The following EPS8 variants were observed in gnomAD, a reference collection of about 807,000 sequenced individuals.
EPS8 encodes EGFR pathway substrate 8, signaling adaptor, also known as epidermal growth factor receptor kinase substrate 8.
EPS8 carries 42 observed loss-of-function variants against 103.8 expected under a neutral mutation model. The observed-to-expected ratio is 0.40, with a 90% CI of 0.32 to 0.52. The LOEUF is 0.52. Among genes scored for constraint, EPS8 ranks in the 20% least tolerant of loss-of-function variants. The pLI is 0.40. For missense variants in EPS8, 969 were observed against 1,005.1 expected (o/e 0.96, Z 0.49); for synonymous variants, 344 against 344.6 (o/e 1.00, Z 0.02).
chr12:15,742,357 A>C (rs1381301922), intron 1 of EPS8, among the ~76,000 whole-genome samples: 3 of 152,192 alleles, frequency 2.0e-5, no homozygotes, highest in Non-Finnish European at 4.4e-5. Context: ...CTGTTTCTCC[A>C]CATCCTCTCC....
chr12:15,771,495 G>A lies in EPS8; in HGVS notation c.-22+17666C>T, dbSNP rs546411151. 4.5e-4 allele frequency among the ~76,000 whole-genome samples: 68 copies of A among 152,174 alleles called. No individual in the cohort carries two copies. The highest frequency in any genetic ancestry group is 7.1e-4 in the Non-Finnish European group (48 of 68,024). On this transcript the variant is annotated intron_variant, in intron 1 of 20. Transcript: ENST00000281172. The surrounding 1 kb of genome is among the most constrained non-coding windows in gnomAD (Gnocchi z 4.6). ...ATACAGAGACATTCAGGAGGGAATA[G>A]CTTAAGAAAATGGTCATATAGCCTT... is the stretch of plus-strand genomic sequence containing the variant.
rs1946196212 is a variant in EPS8 at position 15,693,094 on chromosome 12, A to G, written c.-21-10122T>C. Among the ~76,000 whole-genome samples the G allele has an allele frequency of 6.6e-6, 1 of 152,174 alleles. No individual in the cohort carries two copies. Among genetic ancestry groups the G allele is most frequent in the Non-Finnish European group, 1.5e-5 (1 of 68,018 alleles). On this transcript the variant is annotated intron_variant, in intron 1 of 20. Transcript: ENST00000281172. The surrounding 1 kb of genome is among the most constrained non-coding windows in gnomAD (Gnocchi z 5.6). ...AAAGGTGGCAAGAAAGTCAGTGTCC[A>G]TGGGTGGGGCTTGTGAACAAGTGGG...
At position 15,734,460 on chromosome 12, in the gene EPS8, T is replaced by C. The variant is rs1358091142; in HGVS notation, c.-21-51488A>G. Among the ~76,000 whole-genome samples, 1 of 152,058 alleles carries C rather than the reference T, an allele frequency of 6.6e-6. No individual in the cohort carries two copies. On this transcript the variant is annotated intron_variant, in intron 1 of 20. Transcript: ENST00000281172. This position sits in a 1 kb window ranked among gnomAD's most constrained non-coding sequence, Gnocchi z 4.1. Reference sequence around the variant, plus strand: ...CTGTAATCCCAGCACTTTGGGAGGCTGAGGCGGGTGGATCACGAGGTCAGG... The same window carrying C: ...CTGTAATCCCAGCACTTTGGGAGGCCGAGGCGGGTGGATCACGAGGTCAGG...
At chr12:15,703,148 A>G (rs1946334058) in intron 1 of EPS8, among the ~76,000 whole-genome samples, 1 of 152,236 alleles carries the variant, frequency 6.6e-6, no homozygotes, top group Non-Finnish European at 1.5e-5. Context: ...ACTCCGTCTC[A>G]AAAAATAAAT....
chr12:15,675,845 C>T (rs2135867595), intron 3 of EPS8, among the ~76,000 whole-genome samples: 1 of 152,276 alleles, frequency 6.6e-6, no homozygotes, highest in Non-Finnish European at 1.5e-5. Flanking sequence ...AGTTAGCTTT[C>T]TGGAAAGTCT....
Position 15,641,834 on chromosome 12 carries a change from TA to T in EPS8, c.1569-5del. 6.7e-7 allele frequency: 1 copy of T among 1,484,352 alleles called. No homozygotes were observed. The highest frequency in any genetic ancestry group is 1.9e-5 in the Admixed American group (1 of 52,890). The allele number at this position is 1,484,352 out of a possible 1,614,324, so 91.9% of individuals were successfully genotyped here. On this transcript the variant is annotated splice_region_variant and splice_polypyrimidine_tract_variant and intron_variant, in intron 15 of 20. Coordinates refer to ENST00000281172, the MANE Select transcript of EPS8 (RefSeq NM_004447.6). Reference sequence around the variant, plus strand: ...TGTTTTGAGTGGTTCATAATTTCTATAAAAAGAAAGAAAAAAGATTATTATT... The same window carrying T: ...TGTTTTGAGTGGTTCATAATTTCTATAAAAGAAAGAAAAAAGATTATTATT...
At position 15,682,925 on chromosome 12, in the gene EPS8, G is replaced by A; in HGVS notation, c.27C>T (p.Pro9=). 1 of 1,583,566 alleles carries A rather than the reference G, an allele frequency of 6.3e-7. No individual in the cohort carries two copies. Among genetic ancestry groups the A allele is most frequent in the Non-Finnish European group, 8.6e-7 (1 of 1,162,396 alleles). The change falls in exon 2 of 21, where the codon CCC becomes CCT. Residue 9 remains proline (P), a synonymous_variant. Transcript: ENST00000281172. ...GAGATGGGTACATTCCAAAACTACT[G>A]GGATGATTAGAAATATGACCATTCA... The part of the protein sequence containing the change: MNGHISNH[P]SSFGMYPSQM...
rs1312406551 is a variant in EPS8, at chr12:15,784,852, G to C, written c.-22+4309C>G. Among the ~76,000 whole-genome samples the C allele has an allele frequency of 6.6e-6, 1 of 152,144 alleles. No individual in the cohort carries two copies. Among genetic ancestry groups the C allele is most frequent in the African/African-American group, 2.4e-5 (1 of 41,454 alleles). On this transcript the variant is annotated intron_variant, in intron 1 of 20. Transcript: ENST00000281172. This position sits in a 1 kb window ranked among gnomAD's most constrained non-coding sequence, Gnocchi z 4.0. ...GAACCTTAAATGTGTATTGCTAAAT[G>C]AAAGAAGCCAGTCTGGCAAGGCTGT...
At chr12:15,722,145 A>C (rs1390412592) in intron 1 of EPS8, among the ~76,000 whole-genome samples, 4 of 151,906 alleles carry the variant, frequency 2.6e-5, no homozygotes, top group Non-Finnish European at 5.9e-5. Context: ...TGGAAGAAGA[A>C]GAATTGTCTT....
intron 18 of EPS8, among the ~76,000 whole-genome samples, chr12:15,626,777 T>C (rs888382114): frequency 2.0e-5 from 3 of 151,922 alleles, no homozygotes; most frequent in African/African-American, 7.3e-5. Context: ...AGCCCTTCAC[T>C]CTTGCTCCCA....
rs369560821 is a variant in EPS8 at position 15,650,943 on chromosome 12, C to T, written c.1314G>A (p.Glu438=). ...CTCCCATAAAGTTCAGCATTGGGGGCTCCCAGCCATTGCGGAATCGTGGAA... is the reference window on the plus strand; with the variant it reads ...CTCCCATAAAGTTCAGCATTGGGGGTTCCCAGCCATTGCGGAATCGTGGAA... ...PYVPRFRNGW[E]PPMLNFMGAT... is the part of the protein sequence containing the mutation. The change falls in exon 14 of 21, where the codon GAG becomes GAA. Residue 438 remains glutamate, a synonymous_variant. Transcript: ENST00000281172. 2 of 1,613,904 alleles carry T rather than the reference C, an allele frequency of 1.2e-6. No homozygotes were observed. Among genetic ancestry groups the T allele is most frequent in the Non-Finnish European group, 1.7e-6 (2 of 1,179,932 alleles).
Position 15,745,790 on chromosome 12 carries a change from T to TA in EPS8, c.-22+43370_-22+43371insT, listed in dbSNP as rs1055175968. Among the ~76,000 whole-genome samples the TA allele has an allele frequency of 1.6e-4, 25 of 152,316 alleles. No individual in the cohort carries two copies. Among genetic ancestry groups the TA allele is most frequent in the Admixed American group, 1.1e-3 (17 of 15,304 alleles). The stretch of plus-strand genomic sequence containing the variant: ...CTTTTAGTAGAAACATCAAGAGCTA[T>TA]TATATGTGGTTTCCCAGTACATGTA... On this transcript the variant is annotated intron_variant, in intron 1 of 20. Coordinates refer to ENST00000281172, the MANE Select transcript of EPS8 (RefSeq NM_004447.6). The surrounding 1 kb of genome is among the most constrained non-coding windows in gnomAD (Gnocchi z 4.6).
intron 1 of EPS8, among the ~76,000 whole-genome samples, chr12:15,770,552 T>C (rs1249732784): frequency 1.3e-5 from 2 of 152,136 alleles, no homozygotes; most frequent in Admixed American, 6.5e-5. Flanking sequence ...AAAAATATCA[T>C]CTTTGTTGGC....
chr12:15,719,202 C>CATAT (rs372207428), intron 1 of EPS8, among the ~76,000 whole-genome samples: 66 of 149,924 alleles, frequency 4.4e-4, no homozygotes, highest in African/African-American at 1.5e-3. Context: ...TATAAACATA[C>CATAT]ATATATATAT....
chr12:15,640,569 C>A (rs913484592), intron 17 of EPS8, 134 bp downstream of exon 17: 1 of 661,362 alleles, frequency 1.5e-6, no homozygotes, highest in Non-Finnish European at 2.4e-6. Context: ...CACTCCCCCA[C>A]CAATTACTCT....
intron 2 of EPS8, among the ~76,000 whole-genome samples, chr12:15,682,355 T>C (rs1946023121): frequency 2.0e-5 from 3 of 152,178 alleles, no homozygotes; most frequent in Non-Finnish European, 4.4e-5. Flanking sequence ...CAATGGCCAA[T>C]GTCAAATAAT....
intron 1 of EPS8, among the ~76,000 whole-genome samples, chr12:15,729,908 G>GTA (rs1270324371): frequency 6.6e-6 from 1 of 152,108 alleles, no homozygotes; most frequent in Non-Finnish European, 1.5e-5. Flanking sequence ...CTCAAGGTCT[G>GTA]TACCTCCCCA....
chr12:15,726,061 C>T (rs1248433665), intron 1 of EPS8, among the ~76,000 whole-genome samples: 1 of 152,068 alleles, frequency 6.6e-6, no homozygotes, highest in Admixed American at 6.6e-5. Flanking sequence ...TTATCAGTCA[C>T]TCATGAAAAT....
At chr12:15,754,718 G>A (rs1946968242) in intron 1 of EPS8, among the ~76,000 whole-genome samples, 1 of 152,224 alleles carries the variant, frequency 6.6e-6, no homozygotes, top group South Asian at 2.1e-4. Flanking sequence ...AAATGTGAAT[G>A]AAATTTGTGA....
Sources: gnomAD v4.1 joint callset for allele counts (sites outside exome capture counted in the v4.1 genomes callset) on GRCh38, gnomAD v4.1.1 for gene constraint, Gnocchi (gnomAD v3.1) non-coding constraint, MANE v1.5 for transcripts, NCBI Gene and HGNC (gene_info 2026-07-23, HGNC 2026-07-21) for gene names.